The following AK7 variants were observed in gnomAD, a reference collection of about 807,000 sequenced individuals.
AK7 encodes ATP-AMP transphosphorylase 7.
A neutral mutation model predicts 96.6 loss-of-function variants in AK7; 78 were observed. That is an observed-to-expected ratio of 0.81 (90% CI 0.67 to 0.97). The LOEUF is 0.97. AK7 is among the 50% of genes least tolerant of loss of function. The pLI is 0.00. For missense variants in AK7, 855 were observed against 887.9 expected (o/e 0.96, Z 0.47); for synonymous variants, 302 against 317.2 (o/e 0.95, Z 0.51).
chr14:96,463,719 CAA>C lies in AK7; in HGVS notation c.1357+5525_1357+5526del, dbSNP rs35376666. Among the ~76,000 whole-genome samples, 295 of 83,728 alleles carry C rather than the reference CAA, an allele frequency of 3.5e-3. 1 individual carries two copies. The highest frequency in any genetic ancestry group is 8.5e-3 in the African/African-American group (172 of 20,264). 54.9% of individuals were successfully genotyped at this position (83,728 alleles called of 152,430 possible). A position where few individuals can be genotyped will look rare whatever the true frequency, so the allele number is the denominator to read the frequency against. The stretch of plus-strand genomic sequence containing the variant: ...TGGGCGACAGAGCAATACTCTGTCT[CAA>C]AAAAAAAAAAAAAAAAAGGAAAAAA... On this transcript the variant is annotated intron_variant, in intron 12 of 17. Transcript: ENST00000267584.
At chr14:96,462,152 G>A (rs940294595) in intron 12 of AK7, among the ~76,000 whole-genome samples, 3 of 152,182 alleles carry the variant, frequency 2.0e-5, no homozygotes, top group African/African-American at 7.2e-5. Flanking sequence ...CAGGAGAGAT[G>A]TAAGAGGGGC....
chr14:96,450,144 C>T (rs985212460), intron 9 of AK7, among the ~76,000 whole-genome samples: 3 of 152,004 alleles, frequency 2.0e-5, no homozygotes, highest in East Asian at 1.9e-4. Context: ...GGGCCGGGCG[C>T]GGTGATTCAC....
intron 1 of AK7, among the ~76,000 whole-genome samples, chr14:96,395,613 G>A (rs940458761): frequency 2.6e-5 from 4 of 151,644 alleles, no homozygotes; most frequent in Admixed American, 2.0e-4. Flanking sequence ...GAGGCAGAAT[G>A]GGGAGGATCA....
At chr14:96,402,761 T>C (rs1016004090) in intron 2 of AK7, among the ~76,000 whole-genome samples, 2 of 151,774 alleles carry the variant, frequency 1.3e-5, no homozygotes, top group African/African-American at 4.8e-5. Flanking sequence ...AGAGATATAT[T>C]GAAATCCTAA....
chr14:96,423,764 G>C, intron 5 of AK7: 1 of 730,822 alleles, frequency 1.4e-6, no homozygotes, highest in East Asian at 2.8e-5. Flanking sequence ...ACACGTGCCG[G>C]CCACCGGGAC....
chr14:96,397,373 C>T (rs1890141707), intron 1 of AK7, among the ~76,000 whole-genome samples: 2 of 151,948 alleles, frequency 1.3e-5, no homozygotes, highest in Non-Finnish European at 1.5e-5. Flanking sequence ...CTCAGCCTCC[C>T]GAGTAGCGGG....
chr14:96,441,993 C>A (rs987008324), intron 6 of AK7, among the ~76,000 whole-genome samples: 1 of 152,142 alleles, frequency 6.6e-6, no homozygotes, highest in South Asian at 2.1e-4. Flanking sequence ...TGCTTAGAAC[C>A]CTTCAATACT....
At chr14:96,484,689 C>T (rs1895681144) in intron 16 of AK7, among the ~76,000 whole-genome samples, 1 of 152,218 alleles carries the variant, frequency 6.6e-6, no homozygotes, top group Non-Finnish European at 1.5e-5. Context: ...TACCCCTCCC[C>T]ACAACCTGTC....
At chr14:96,423,723 TG>T in intron 5 of AK7, 1 of 704,760 alleles carries the variant, frequency 1.4e-6, no homozygotes. Flanking sequence ...TCCTACAATT[TG>T]GGCACATAGT....
At chr14:96,443,229 T>C (rs1893052667) in intron 7 of AK7, among the ~76,000 whole-genome samples, 1 of 152,206 alleles carries the variant, frequency 6.6e-6, no homozygotes, top group South Asian at 2.1e-4. Flanking sequence ...TTTTCCTTCT[T>C]TGACAGTTGT....
intron 15 of AK7, among the ~76,000 whole-genome samples, chr14:96,481,905 A>G (rs1238011364): frequency 6.6e-6 from 1 of 152,014 alleles, no homozygotes; most frequent in Non-Finnish European, 1.5e-5. Context: ...GGGTTTCTCC[A>G]TGTTGGCCAG....
chr14:96,487,911 TTTATTTA>T (rs1358509136), intron 17 of AK7: 1 of 298,078 alleles, frequency 3.4e-6, no homozygotes, highest in South Asian at 2.9e-5. Flanking sequence ...TACTTATTTA[TTTATTTA>T]TTATTTATTT....
chr14:96,408,810 T>C (rs1353904244), intron 3 of AK7, 37 bp from the exon 4 acceptor site: 1 of 1,603,820 alleles, frequency 6.2e-7, no homozygotes, highest in Admixed American at 1.7e-5. Flanking sequence ...AAGTTGTGCA[T>C]GGGTCCAAAT....
chr14:96,405,232 G>A (rs1890641254), intron 3 of AK7, among the ~76,000 whole-genome samples: 1 of 152,010 alleles, frequency 6.6e-6, no homozygotes, highest in African/African-American at 2.4e-5. Context: ...AACATTACCA[G>A]GCTGAAGTGA....
intron 12 of AK7, among the ~76,000 whole-genome samples, chr14:96,466,242 TA>T (rs1465864547): frequency 6.6e-6 from 1 of 151,560 alleles, no homozygotes; most frequent in East Asian, 1.9e-4. Flanking sequence ...CTTATTTATT[TA>T]TTTTTTTTTT....
chr14:96,409,994 A>T (rs765657250), intron 4 of AK7, among the ~76,000 whole-genome samples: 4 of 152,210 alleles, frequency 2.6e-5, no homozygotes, highest in Non-Finnish European at 5.9e-5. Context: ...GACCACAATG[A>T]TACACCATTG....
chr14:96,437,969 A>G, intron 6 of AK7, 54 bp downstream of exon 6: 2 of 1,529,016 alleles, frequency 1.3e-6, no homozygotes, highest in Admixed American at 3.4e-5. Flanking sequence ...CGATACAGAT[A>G]CGCAATTTGA....
At chr14:96,444,820 C>T (rs905507383) in intron 7 of AK7, among the ~76,000 whole-genome samples, 6 of 151,960 alleles carry the variant, frequency 3.9e-5, no homozygotes, top group Non-Finnish European at 7.4e-5. Context: ...TGGGTTCAAG[C>T]GATTCTCCTG....
intron 5 of AK7, among the ~76,000 whole-genome samples, chr14:96,431,308 A>T (rs1184388809): frequency 2.6e-5 from 4 of 151,354 alleles, no homozygotes; most frequent in Non-Finnish European, 4.4e-5. Flanking sequence ...CTAGCTTTTG[A>T]ATTTGTTTGC....
Sources: gnomAD v4.1 joint callset for allele counts (sites outside exome capture counted in the v4.1 genomes callset) on GRCh38, gnomAD v4.1.1 for gene constraint, MANE v1.5 for transcripts, NCBI Gene and HGNC (gene_info 2026-07-23, HGNC 2026-07-21) for gene names.